PPP1R12A: variants seen among roughly 807,000 people sequenced by gnomAD.
PPP1R12A encodes protein phosphatase 1 regulatory subunit 12A.
PPP1R12A carries 19 observed loss-of-function variants against 139.6 expected under a neutral mutation model. The ratio of observed to expected loss-of-function variants is 0.14; its 90% CI spans 0.09 to 0.20. The LOEUF (loss-of-function observed/expected upper bound fraction) is 0.20. PPP1R12A is among the 10% of genes least tolerant of loss of function. The pLI is 1.00. For synonymous variants in PPP1R12A, 427 were observed against 420.6 expected (o/e 1.02, Z -0.19); for missense variants, 925 against 1,211.5 (o/e 0.76, Z 3.51).
chr12:79,807,062 T>G, intron 12 of PPP1R12A, 164 bp downstream of exon 12: 1 of 450,620 alleles, frequency 2.2e-6, no homozygotes, highest in Middle Eastern at 5.9e-4. Flanking sequence ...TCACCTATCT[T>G]TAAATATATA....
At chr12:79,832,234 G>T in intron 4 of PPP1R12A, 98 bp downstream of exon 4, 1 of 1,193,468 alleles carries the variant, frequency 8.4e-7, no homozygotes, top group East Asian at 2.6e-5. Flanking sequence ...ACTCTTTTAT[G>T]TTGCTTCAAA....
At chr12:79,849,208 AC>A (rs1879759840) in intron 2 of PPP1R12A, among the ~76,000 whole-genome samples, 2 of 152,044 alleles carry the variant, frequency 1.3e-5, no homozygotes, top group African/African-American at 4.8e-5. Context: ...ACATAGCAAA[AC>A]CCCAACTCTA....
intron 1 of PPP1R12A, among the ~76,000 whole-genome samples, chr12:79,906,378 G>A (rs1031112606): frequency 1.3e-5 from 2 of 151,772 alleles, no homozygotes; most frequent in African/African-American, 4.8e-5. Context: ...TAAAAATTAG[G>A]CAAAAGGAGT....
chr12:79,797,405 C>A lies in PPP1R12A; in HGVS notation c.2092-10G>T. 2 of 1,566,764 alleles carry A rather than the reference C, an allele frequency of 1.3e-6. No homozygotes were observed. Among genetic ancestry groups the A allele is most frequent in the Non-Finnish European group, 1.7e-6 (2 of 1,160,482 alleles). On this transcript the variant is annotated splice_polypyrimidine_tract_variant and intron_variant, in intron 15 of 24. Transcript: ENST00000450142. ...CAGTTAATGTCACTCCCTGCACACA[C>A]AAAAAGATCAATATAATTATGAGAT...
At chr12:79,828,137 T>C (rs947231796) in intron 5 of PPP1R12A, 183 bp downstream of exon 5, 21 of 445,462 alleles carry the variant, frequency 4.7e-5, no homozygotes, top group Admixed American at 1.6e-4. Flanking sequence ...CCTCATACGG[T>C]AGCTGAAAAG....
chr12:79,845,483 A>G, intron 2 of PPP1R12A, 63 bp from the exon 3 acceptor site: 1 of 1,181,512 alleles, frequency 8.5e-7, no homozygotes, highest in Non-Finnish European at 1.2e-6. Context: ...AACTAAATGC[A>G]TAACCAATGA....
chr12:79,784,923 G>A (rs895221749), intron 22 of PPP1R12A, among the ~76,000 whole-genome samples: 2 of 152,170 alleles, frequency 1.3e-5, no homozygotes, highest in Non-Finnish European at 2.9e-5. Context: ...ACAGGCGTGA[G>A]CCACCGCGCC....
At chr12:79,904,237 C>T (rs143299403) in intron 1 of PPP1R12A, among the ~76,000 whole-genome samples, 266 of 151,766 alleles carry the variant, frequency 1.8e-3, no homozygotes, top group Non-Finnish European at 3.2e-3. Context: ...GGAGTGTATC[C>T]CTTTTTTCTC....
At position 79,835,288 on chromosome 12, in the gene PPP1R12A, C is replaced by A. The variant is rs115533854; in HGVS notation, c.488-2797G>T. Among the ~76,000 whole-genome samples the A allele has an allele frequency of 6.3e-3, 956 of 152,216 alleles. 6 individuals carry two copies. Among genetic ancestry groups the A allele is most frequent in the African/African-American group, 0.022 (920 of 41,550 alleles). On this transcript the variant is annotated intron_variant, in intron 3 of 24. Coordinates refer to ENST00000450142, the MANE Select transcript of PPP1R12A (RefSeq NM_002480.3). ...GTTTCCCAGCTTCTAGGGCTTTGAA[C>A]TTGGACTGAAACACGCTACTGGCTT...
At chr12:79,821,613 C>T (rs947885176) in intron 6 of PPP1R12A, among the ~76,000 whole-genome samples, 6 of 151,974 alleles carry the variant, frequency 3.9e-5, no homozygotes, top group Non-Finnish European at 5.9e-5. Flanking sequence ...ATTAGCCAGG[C>T]ATGGTGGCGT....
intron 14 of PPP1R12A, among the ~76,000 whole-genome samples, chr12:79,799,157 GT>G (rs532142886): frequency 1.3e-5 from 2 of 150,244 alleles, no homozygotes; most frequent in Non-Finnish European, 3.0e-5. Flanking sequence ...TGTTTGTTTT[GT>G]TTTTTTTTGA....
chr12:79,787,881 TC>T (rs2136995149), intron 21 of PPP1R12A: 1 of 152,346 alleles, frequency 6.6e-6, no homozygotes, highest in South Asian at 2.1e-4. Context: ...GTTAACTGTC[TC>T]CATTATTTAT....
Position 79,775,171 on chromosome 12 carries a change from T to C in PPP1R12A, c.*758A>G, listed in dbSNP as rs1276397425. On this transcript the variant is annotated 3_prime_UTR_variant, in exon 25 of 25. Coordinates refer to ENST00000450142, the MANE Select transcript of PPP1R12A (RefSeq NM_002480.3). The stretch of plus-strand genomic sequence containing the variant: ...CAGAATCTAACATCTTATACTACAA[T>C]AAAAAAAAAGTGACCAATGAAGCAG... 1 of 150,742 alleles carries C rather than the reference T, an allele frequency of 6.6e-6. No homozygotes were observed. Among genetic ancestry groups the C allele is most frequent in the Non-Finnish European group, 1.5e-5 (1 of 67,420 alleles). 9.3% of individuals were successfully genotyped at this position (150,742 alleles called of 1,614,324 possible). A position where few individuals can be genotyped will look rare whatever the true frequency, so the allele number is the denominator to read the frequency against.
At chr12:79,926,686 A>G (rs190245098) in intron 1 of PPP1R12A, among the ~76,000 whole-genome samples, 2 of 152,228 alleles carry the variant, frequency 1.3e-5, no homozygotes, top group African/African-American at 4.8e-5. Flanking sequence ...TTTTTTAATC[A>G]TTAAATATTT....
Position 79,834,856 on chromosome 12 carries a change from C to T in PPP1R12A, c.488-2365G>A, listed in dbSNP as rs1201222413. ...TCCTACACTAAGTGCCCTCAATTACCTAGCAACCTGAAAGTCATCTGAATT... is the reference window on the plus strand; with the variant it reads ...TCCTACACTAAGTGCCCTCAATTACTTAGCAACCTGAAAGTCATCTGAATT... On this transcript the variant is annotated intron_variant, in intron 3 of 24. Transcript: ENST00000450142. Among the ~76,000 whole-genome samples, 10 of 152,176 alleles carry T rather than the reference C, an allele frequency of 6.6e-5. No individual in the cohort carries two copies. In the East Asian group the frequency reaches 1.9e-3, roughly 29 times the overall value.
At chr12:79,877,173 T>A (rs1218742317) in intron 1 of PPP1R12A, among the ~76,000 whole-genome samples, 2 of 152,152 alleles carry the variant, frequency 1.3e-5, no homozygotes, top group African/African-American at 4.8e-5. Context: ...TGAGGGGGTA[T>A]TTATCATAAA....
chr12:79,843,741 T>C (rs1016034571), intron 3 of PPP1R12A, among the ~76,000 whole-genome samples: 22 of 151,480 alleles, frequency 1.5e-4, no homozygotes, highest in African/African-American at 4.8e-4. Context: ...TCTCACTCTG[T>C]TCTCAAGGCT....
chr12:79,854,450 C>A (rs1411284484), intron 2 of PPP1R12A, among the ~76,000 whole-genome samples: 1 of 152,132 alleles, frequency 6.6e-6, no homozygotes, highest in South Asian at 2.1e-4. Flanking sequence ...CTGTCTCCCT[C>A]TTCTTCAGCT....
In PPP1R12A at chr12:79,897,996, T is replaced by C. The variant is rs1213745587; in HGVS notation, c.238-25058A>G. 2.0e-5 allele frequency among the ~76,000 whole-genome samples: 3 copies of C among 152,210 alleles called. No individual in the cohort carries two copies. The East Asian group carries it at 5.8e-4, about 29-fold the overall frequency. ...TATGTGGATTTGGTCCTCAATGACT[T>C]CACACTAAACTCAGTGTAATACTCT... On this transcript the variant is annotated intron_variant, in intron 1 of 24. Coordinates refer to ENST00000450142, the MANE Select transcript of PPP1R12A (RefSeq NM_002480.3).
Sources: allele counts gnomAD v4.1 joint callset (sites outside exome capture counted in the v4.1 genomes callset), GRCh38; gene constraint gnomAD v4.1.1; transcripts MANE v1.5; gene names NCBI Gene and HGNC (gene_info 2026-07-23, HGNC 2026-07-21).